The following PCDHA10 variants were observed in gnomAD, a reference collection of about 807,000 sequenced individuals.
PCDHA10 encodes the protein protocadherin alpha 10, also known as protocadherin alpha-10.
In PCDHA10, 45 loss-of-function variants were observed where a neutral mutation model predicts 61.2. The ratio of observed to expected loss-of-function variants is 0.74; its 90% CI spans 0.58 to 0.94. The LOEUF is 0.94. PCDHA10 is among the 40% of genes least tolerant of loss of function. The pLI is 0.00. For missense variants in PCDHA10, 1,278 were observed against 1,236.2 expected, an observed-to-expected ratio of 1.03 and a Z score of -0.51; for synonymous variants, 602 against 548.8, an observed-to-expected ratio of 1.10 and a Z score of -1.35.
At chr5:140,897,458 G>A (rs191522392) in intron 1 of PCDHA10, among the ~76,000 whole-genome samples, 7 of 151,428 alleles carry the variant, frequency 4.6e-5, no homozygotes, top group African/African-American at 2.4e-5. Context: ...TTGTCCTTGC[G>A]ATAGTTTACT....
intron 3 of PCDHA10, among the ~76,000 whole-genome samples, chr5:141,004,893 C>A (rs1339074840): frequency 1.3e-5 from 2 of 152,154 alleles, no homozygotes; most frequent in African/African-American, 4.8e-5. Flanking sequence ...ATTGTGTCAG[C>A]TCTGCCAGGG....
intron 1 of PCDHA10, chr5:140,876,767 C>G (rs1462172871): frequency 6.2e-7 from 1 of 1,614,076 alleles, no homozygotes. Flanking sequence ...GATGGGGGCT[C>G]GCCTTCGCTG....
At chr5:140,894,414 C>A (rs1554186083) in intron 1 of PCDHA10, among the ~76,000 whole-genome samples, 2 of 151,928 alleles carry the variant, frequency 1.3e-5, no homozygotes, top group African/African-American at 4.8e-5. Flanking sequence ...TCTTTTGTAG[C>A]TAACACTCCT....
rs2098415057 is a variant in PCDHA10, at chr5:141,009,865, A to G, written c.2775A>G (p.Lys925=). ...AGGAGGAGACCAAGAAAAAGAAGAAAAAGAAGAAGGGTAACAAGACCCAGG... is the reference window on the plus strand; with the variant it reads ...AGGAGGAGACCAAGAAAAAGAAGAAGAAGAAGAAGGGTAACAAGACCCAGG... ...GKKEETKKKK[K]KKKGNKTQEK... The change falls in exon 4 of 4, where the codon AAA becomes AAG. Residue 925 remains lysine, a synonymous_variant. Transcript: ENST00000307360. The G allele has an allele frequency of 6.2e-7, 1 of 1,614,076 alleles. No homozygotes were observed.
At chr5:140,928,178 G>C (rs2085023372) in intron 1 of PCDHA10, 1 of 1,614,074 alleles carries the variant, frequency 6.2e-7, no homozygotes, top group African/African-American at 1.3e-5. Flanking sequence ...AGCACCCGAA[G>C]GACAATCACT....
intron 1 of PCDHA10, chr5:140,863,570 G>A (rs912173891): frequency 1.9e-5 from 7 of 370,768 alleles, no homozygotes; most frequent in South Asian, 4.2e-5. Flanking sequence ...GAGAATATAA[G>A]TACTGTAATC....
At chr5:140,871,246 C>T (rs782203109) in intron 1 of PCDHA10, 2 of 1,613,982 alleles carry the variant, frequency 1.2e-6, no homozygotes, top group Non-Finnish European at 1.7e-6. Context: ...ACTCACGCTG[C>T]TGCTGTATAC....
intron 1 of PCDHA10, among the ~76,000 whole-genome samples, chr5:140,887,315 C>G (rs1239122037): frequency 1.3e-5 from 2 of 152,116 alleles, no homozygotes; most frequent in Non-Finnish European, 2.9e-5. Flanking sequence ...CCAGGATAGT[C>G]TCGAACTCCT....
chr5:140,857,801 G>A lies in PCDHA10; in HGVS notation c.1753G>A (p.Val585Ile). 6.3e-7 allele frequency: 1 copy of A among 1,597,726 alleles called. No homozygotes were observed. The highest frequency in any genetic ancestry group is 8.6e-7 in the Non-Finnish European group (1 of 1,167,564). ...AVSELVLRSVVAGHVVAKVRA... is the reference protein window; with the variant it reads ...AVSELVLRSVIAGHVVAKVRA... ...CAGTGAGCTGGTGCTGCGGTCGGTG[G>A]TTGCGGGTCACGTGGTGGCTAAGGT... Residue 585 changes from valine to isoleucine, a missense_variant, in exon 1 of 4, where the codon GTT (valine) becomes ATT (isoleucine). By Grantham distance (29) the Val-to-Ile change is conservative (BLOSUM62 3). Coordinates refer to ENST00000307360, the MANE Select transcript of PCDHA10 (RefSeq NM_018901.4).
intron 1 of PCDHA10, among the ~76,000 whole-genome samples, chr5:140,892,860 T>C (rs1554185404): frequency 6.6e-6 from 1 of 152,158 alleles, no homozygotes; most frequent in Non-Finnish European, 1.5e-5. Flanking sequence ...ATTCCTCCTG[T>C]GTAGCTATAA....
In PCDHA10 at chr5:140,978,971, G is replaced by C. The variant is rs782774245; in HGVS notation, c.2411G>C (p.Trp804Ser). Residue 804 changes from tryptophan (W) to serine (S), a missense_variant, in exon 2 of 4, where the codon TGG (tryptophan) becomes TCG (serine). Trp to Ser is a radical substitution (Grantham distance 177). Transcript: ENST00000307360. ...CAGCCACGACAGCCCAACCCTGACT[G>C]GCGTTACTCTGCCTCCCTGAGAGCA... is the stretch of plus-strand genomic sequence containing the variant. ...SRKPRQPNPD[W>S]RYSASLRAGM... 6.2e-7 allele frequency: 1 copy of C among 1,614,170 alleles called. No homozygotes were observed. The highest frequency in any genetic ancestry group is 2.2e-5 in the East Asian group (1 of 44,882).
chr5:140,989,373 C>G (rs1189877807), intron 3 of PCDHA10, among the ~76,000 whole-genome samples: 1 of 152,088 alleles, frequency 6.6e-6, no homozygotes, highest in Non-Finnish European at 1.5e-5. Flanking sequence ...TGACTGAGAG[C>G]TTTGTGGGAA....
chr5:140,966,928 C>T (rs782034487), intron 1 of PCDHA10: 1 of 1,603,332 alleles, frequency 6.2e-7, no homozygotes, highest in South Asian at 1.1e-5. Context: ...AGCAGGCACC[C>T]GGCGCGCTCG....
chr5:140,891,344 T>C (rs952306829), intron 1 of PCDHA10, among the ~76,000 whole-genome samples: 2 of 152,166 alleles, frequency 1.3e-5, no homozygotes, highest in East Asian at 1.9e-4. Flanking sequence ...GAGATTTTGG[T>C]GCATCCATCA....
chr5:140,858,455 AT>A lies in PCDHA10; in HGVS notation c.2388+23del. The A allele has an allele frequency of 1.3e-6, 2 of 1,529,258 alleles. No individual in the cohort carries two copies. Among genetic ancestry groups the A allele is most frequent in the Non-Finnish European group, 1.8e-6 (2 of 1,127,118 alleles). The allele number at this position is 1,529,258 out of a possible 1,614,324, so 94.7% of individuals were successfully genotyped here. A position where few individuals can be genotyped will look rare whatever the true frequency, so the allele number is the denominator to read the frequency against. On this transcript the variant is annotated intron_variant, in intron 1 of 3. Coordinates refer to ENST00000307360, the MANE Select transcript of PCDHA10 (RefSeq NM_018901.4). ...TAGGAAGGTGGGTTATTACGTTTTC[AT>A]TTTCCTTTTGTGCTTTATGAATAAT...
intron 1 of PCDHA10, chr5:140,859,925 A>T (rs1359267858): frequency 1.3e-5 from 2 of 152,068 alleles, no homozygotes; most frequent in African/African-American, 4.8e-5. Context: ...TAAGTAATAT[A>T]AAAAACTTAG....
chr5:140,967,963 A>G (rs1554230144), intron 1 of PCDHA10: 1 of 1,614,210 alleles, frequency 6.2e-7, no homozygotes, highest in South Asian at 1.1e-5. Flanking sequence ...CCAACCGGAA[A>G]GTGAGCCTGG....
intron 1 of PCDHA10, chr5:140,883,493 C>G: frequency 6.2e-7 from 1 of 1,614,174 alleles, no homozygotes; most frequent in Non-Finnish European, 8.5e-7. Flanking sequence ...CTCATTAGTG[C>G]TGGACAGCGC....
intron 1 of PCDHA10, among the ~76,000 whole-genome samples, chr5:140,908,084 T>G (rs2073791096): frequency 6.6e-6 from 1 of 152,202 alleles, no homozygotes; most frequent in Non-Finnish European, 1.5e-5. Context: ...CACAACCAGG[T>G]GCACTGATTG....
Sources: allele counts gnomAD v4.1 joint callset (sites outside exome capture counted in the v4.1 genomes callset), GRCh38; gene constraint gnomAD v4.1.1; transcripts MANE v1.5; gene names NCBI Gene and HGNC (gene_info 2026-07-23, HGNC 2026-07-21).